KLF12: variants seen among roughly 807,000 people sequenced by gnomAD.
KLF12 encodes the protein Krueppel-like factor 12.
KLF12 carries 9 observed loss-of-function variants against 37.8 expected under a neutral mutation model. The observed-to-expected ratio is 0.24, with a 90% CI of 0.14 to 0.42. The LOEUF is 0.42. Ranked by LOEUF, KLF12 falls within the 10% of genes least tolerant of loss-of-function variation. The pLI is 1.00. For synonymous variants in KLF12, 208 were observed against 202.1 expected (o/e 1.03, Z -0.25); for missense variants, 411 against 516.0 (o/e 0.80, Z 1.97).
At chr13:74,007,336 C>T (rs1043622728) in intron 1 of KLF12, among the ~76,000 whole-genome samples, 4 of 151,236 alleles carry the variant, frequency 2.6e-5, no homozygotes, top group Non-Finnish European at 4.4e-5. Flanking sequence ...AGTGCAGTGG[C>T]GCGATCTCGG....
chr13:74,221,228 G>A, the KLF12 span, among the ~76,000 whole-genome samples: 1 of 152,000 alleles, frequency 6.6e-6, no homozygotes. Flanking sequence ...GGATGGTCTC[G>A]ATCTCCTGAC....
chr13:73,851,919 G>T (rs1438900269), intron 3 of KLF12, among the ~76,000 whole-genome samples: 1 of 152,150 alleles, frequency 6.6e-6, no homozygotes, highest in Non-Finnish European at 1.5e-5. Flanking sequence ...TGCACAGTAG[G>T]TACATGGCTT....
intron 1 of KLF12, among the ~76,000 whole-genome samples, chr13:74,113,282 A>C (rs1388010378): frequency 6.6e-6 from 1 of 152,230 alleles, no homozygotes; most frequent in Non-Finnish European, 1.5e-5. Context: ...AAAAAACAAA[A>C]ACAAACAAAC....
At chr13:74,115,764 GT>G (rs1212455668) in intron 1 of KLF12, among the ~76,000 whole-genome samples, 1 of 151,056 alleles carries the variant, frequency 6.6e-6, no homozygotes, top group African/African-American at 2.4e-5. Flanking sequence ...GCTGGCACTA[GT>G]TGGTATTCCT....
chr13:73,951,713 C>G (rs1402119395), intron 2 of KLF12, among the ~76,000 whole-genome samples: 1 of 152,206 alleles, frequency 6.6e-6, no homozygotes, highest in African/African-American at 2.4e-5. Context: ...TGCCTCTAAC[C>G]ACTTCCCCAA....
chr13:74,005,305 AAAAT>A (rs1892382216), intron 1 of KLF12, among the ~76,000 whole-genome samples: 4 of 152,224 alleles, frequency 2.6e-5, no homozygotes, highest in Admixed American at 2.0e-4. Context: ...GAAATATAGA[AAAAT>A]AAATATAAAG....
Position 73,695,479 on chromosome 13 carries a change from G to A in KLF12, c.*11C>T, listed in dbSNP as rs764399221. 1 of 1,613,008 alleles carries A rather than the reference G, an allele frequency of 6.2e-7. No individual in the cohort carries two copies. Among genetic ancestry groups the A allele is most frequent in the Non-Finnish European group, 8.5e-7 (1 of 1,179,594 alleles). On this transcript the variant is annotated 3_prime_UTR_variant, in exon 8 of 8. Coordinates refer to ENST00000377669, the MANE Select transcript of KLF12 (RefSeq NM_007249.5). The stretch of plus-strand genomic sequence containing the variant: ...TCCAGCTCTTACGCTCAGCTGGACA[G>A]GTAGCATTCCTCACACCAACATATG...
chr13:74,091,165 G>T (rs1875635282), intron 1 of KLF12, among the ~76,000 whole-genome samples: 1 of 152,112 alleles, frequency 6.6e-6, no homozygotes, highest in Non-Finnish European at 1.5e-5. Context: ...CAGATAACTG[G>T]AAATCCACAT....
At chr13:73,835,858 T>C (rs923700058) in intron 4 of KLF12, among the ~76,000 whole-genome samples, 3 of 152,212 alleles carry the variant, frequency 2.0e-5, no homozygotes, top group African/African-American at 4.8e-5. Context: ...CATTGTGAGC[T>C]ACTAAACTGA....
At chr13:74,200,511 T>G in the KLF12 span, among the ~76,000 whole-genome samples, 1 of 152,066 alleles carries the variant, frequency 6.6e-6, no homozygotes, top group South Asian at 2.1e-4. Flanking sequence ...AGGAATTAGA[T>G]AGCCGGTAGA....
chr13:74,235,430 C>T, the KLF12 span, among the ~76,000 whole-genome samples: 1 of 152,168 alleles, frequency 6.6e-6, no homozygotes, highest in African/African-American at 2.4e-5. Context: ...TACTTTTTAT[C>T]ACACAGCTTT....
chr13:74,040,237 T>C (rs977899623), intron 1 of KLF12, among the ~76,000 whole-genome samples: 4 of 152,226 alleles, frequency 2.6e-5, no homozygotes, highest in Admixed American at 1.3e-4. Flanking sequence ...TTTTTTAGTC[T>C]AACATGTATC....
chr13:74,061,236 G>A (rs2138649852), intron 1 of KLF12, among the ~76,000 whole-genome samples: 1 of 152,210 alleles, frequency 6.6e-6, no homozygotes, highest in East Asian at 1.9e-4. Flanking sequence ...TTATAAATGA[G>A]GAAACTGAGG....
At chr13:74,081,466 C>T (rs1483330290) in intron 1 of KLF12, among the ~76,000 whole-genome samples, 2 of 152,178 alleles carry the variant, frequency 1.3e-5, no homozygotes, top group African/African-American at 4.8e-5. Context: ...TAATTTACCT[C>T]AAGGACCATG....
At chr13:74,262,414 C>A in the KLF12 span, among the ~76,000 whole-genome samples, 1 of 152,206 alleles carries the variant, frequency 6.6e-6, no homozygotes, top group Non-Finnish European at 1.5e-5. Flanking sequence ...AGCTGTCCCT[C>A]AGTATCTATG....
intron 3 of KLF12, among the ~76,000 whole-genome samples, chr13:73,867,439 CATAT>C (rs1374194576): frequency 6.6e-6 from 1 of 151,428 alleles, no homozygotes; most frequent in Non-Finnish European, 1.5e-5. Context: ...TACACACATA[CATAT>C]GACATATATA....
chr13:73,880,990 G>A (rs543101484), intron 3 of KLF12, among the ~76,000 whole-genome samples: 36 of 152,234 alleles, frequency 2.4e-4, no homozygotes, highest in South Asian at 4.1e-4. Flanking sequence ...AAGTGTTAAC[G>A]TCTAAACAAA....
chr13:74,019,287 A>G (rs1292448385), intron 1 of KLF12, among the ~76,000 whole-genome samples: 3 of 152,236 alleles, frequency 2.0e-5, no homozygotes, highest in African/African-American at 7.2e-5. Context: ...TTAACACTCA[A>G]ACTTTCATTA....
the KLF12 span, among the ~76,000 whole-genome samples, chr13:74,140,393 C>T: frequency 5.9e-5 from 9 of 152,096 alleles, no homozygotes; most frequent in Non-Finnish European, 1.0e-4. Flanking sequence ...GAAGTGGTGG[C>T]ATGTGCCTGT....
Sources: gnomAD v4.1 joint callset for allele counts (sites outside exome capture counted in the v4.1 genomes callset) on GRCh38, gnomAD v4.1.1 for gene constraint, MANE v1.5 for transcripts, NCBI Gene and HGNC (gene_info 2026-07-23, HGNC 2026-07-21) for gene names.